Variants in PCDH15 observed in about 807,000 individuals in gnomAD.
PCDH15 encodes the protein protocadherin-15.
PCDH15 carries 129 observed loss-of-function variants against 178.5 expected under a neutral mutation model. The ratio of observed to expected loss-of-function variants is 0.72; its 90% CI spans 0.63 to 0.84. PCDH15 has a LOEUF of 0.84. Among genes scored for constraint, PCDH15 ranks in the 40% least tolerant of loss-of-function variants. The pLI, the probability that PCDH15 is intolerant of heterozygous loss-of-function variation, is 0.00. For missense variants in PCDH15, 2,230 were observed against 2,099.9 expected (o/e 1.06, Z -1.21); for synonymous variants, 800 against 732.0 (o/e 1.09, Z -1.50).
In PCDH15 at chr10:55,257,112, C is replaced by T. The variant is rs567445332; in HGVS notation, c.-156+62487G>A. On this transcript the variant is annotated intron_variant, in intron 1 of 5. Transcript: ENST00000458638. ...CTCCGCTGCTGAATACCCAGGCAAA[C>T]ATGGTCTGGAGTGGACCTCCAGCAA... Among the ~76,000 whole-genome samples, 117 of 152,316 alleles carry T rather than the reference C, an allele frequency of 7.7e-4. 2 individuals are homozygous for T. The South Asian group carries it at 0.023, about 30-fold the overall frequency.
intron 1 of PCDH15, among the ~76,000 whole-genome samples, chr10:54,683,043 A>C (rs553092722): frequency 1.3e-3 from 198 of 152,260 alleles, no homozygotes; most frequent in Middle Eastern, 6.8e-3. Flanking sequence ...TAATTTAAAA[A>C]TGTGCAAAAC....
rs1401452530 is a variant in PCDH15 at position 54,731,541 on chromosome 10, G to GAGATATATATATATATATAT, written c.-28-67252_-28-67251insATATATATATATATATATCT. Among the ~76,000 whole-genome samples, 9 of 68,318 alleles carry GAGATATATATATATATATAT rather than the reference G, an allele frequency of 1.3e-4. 1 individual carries two copies. The highest frequency in any genetic ancestry group is 4.3e-4 in the Admixed American group (3 of 6,994). 44.8% of individuals were successfully genotyped at this position (68,318 alleles called of 152,430 possible). A position where few individuals can be genotyped will look rare whatever the true frequency, so the allele number is the denominator to read the frequency against. ...CCATCAATGAATAAAGAAAATGTGAGATAGATATATATATATATATATACA... is the reference window on the plus strand; with the variant it reads ...CCATCAATGAATAAAGAAAATGTGAGAGATATATATATATATATATATAGATATATATATATATATATACA... On this transcript the variant is annotated intron_variant, in intron 1 of 37. Coordinates refer to ENST00000644397, the MANE Select transcript of PCDH15 (RefSeq NM_001384140.1).
chr10:54,850,119 T>C (rs1228539695), intron 3 of PCDH15, among the ~76,000 whole-genome samples: 1 of 152,132 alleles, frequency 6.6e-6, no homozygotes, highest in Non-Finnish European at 1.5e-5. Context: ...TGCTTAAACA[T>C]ATAAAGCAAT....
chr10:55,568,197 T>G (rs1440495348), intron 2 of PCDH15, among the ~76,000 whole-genome samples: 1 of 151,966 alleles, frequency 6.6e-6, no homozygotes, highest in Non-Finnish European at 1.5e-5. Context: ...AAAATGTGGT[T>G]TTTGTATACA....
In PCDH15 at chr10:53,831,369, AT is replaced by A. The variant is rs1554824058; in HGVS notation, c.4147del (p.Ile1383SerfsTer85). 5 of 1,614,158 alleles carry A rather than the reference AT, an allele frequency of 3.1e-6. No individual in the cohort carries two copies. The highest frequency in any genetic ancestry group is 4.2e-6 in the Non-Finnish European group (5 of 1,180,024). ...GGCAGGAATGCAGCAGAGGATGATG[AT>A]GAAGGCCAGAGCCAACAAGGCCCCT... ...TEGALLALAF[I>X]IILCCIPAIL... is the part of the protein sequence containing the mutation. On this transcript the variant is annotated frameshift_variant, in exon 30 of 38. Coordinates refer to ENST00000644397, the MANE Select transcript of PCDH15 (RefSeq NM_001384140.1). LOFTEE classifies it high-confidence loss of function.
intron 1 of PCDH15, among the ~76,000 whole-genome samples, chr10:55,186,770 T>TC (rs1839812077): frequency 6.6e-6 from 1 of 151,756 alleles, no homozygotes; most frequent in South Asian, 2.1e-4. Flanking sequence ...TATTTTTTTT[T>TC]CCTGAAAAAT....
intron 2 of PCDH15, among the ~76,000 whole-genome samples, chr10:55,407,007 C>A (rs991297600): frequency 6.6e-6 from 1 of 152,114 alleles, no homozygotes; most frequent in East Asian, 1.9e-4. Flanking sequence ...AAGCTGAGAG[C>A]TTAAAATGAC....
At position 53,993,397 on chromosome 10, in the gene PCDH15, T is replaced by C. The variant is rs114867074; in HGVS notation, c.2868+2252A>G. 5.9e-3 allele frequency among the ~76,000 whole-genome samples: 899 copies of C among 152,250 alleles called. 6 individuals carry two copies. Among genetic ancestry groups the C allele is most frequent in the African/African-American group, 0.019 (808 of 41,548 alleles). ...CATGAGAATACAAACTGAAATAAGTTTTGATTCCTGTCCTCAAGGACCTTA... is the reference window on the plus strand; with the variant it reads ...CATGAGAATACAAACTGAAATAAGTCTTGATTCCTGTCCTCAAGGACCTTA... On this transcript the variant is annotated intron_variant, in intron 21 of 37. Transcript: ENST00000644397.
chr10:54,631,033 T>C (rs1416383538), intron 2 of PCDH15, among the ~76,000 whole-genome samples: 1 of 152,156 alleles, frequency 6.6e-6, no homozygotes, highest in Non-Finnish European at 1.5e-5. Context: ...TTTGAATATA[T>C]GTCCCTACAA....
intron 2 of PCDH15, among the ~76,000 whole-genome samples, chr10:55,625,529 G>C (rs1837508760): frequency 6.6e-6 from 1 of 152,128 alleles, no homozygotes; most frequent in African/African-American, 2.4e-5. Context: ...TGTGTTAGGA[G>C]TTGTAAATCT....
intron 2 of PCDH15, among the ~76,000 whole-genome samples, chr10:55,413,152 A>T (rs1425880014): frequency 1.3e-5 from 2 of 151,814 alleles, no homozygotes; most frequent in Non-Finnish European, 2.9e-5. Context: ...GAAGATTAAA[A>T]ATATTTATTA....
At chr10:54,552,576 CT>C (rs2086734102) in intron 2 of PCDH15, among the ~76,000 whole-genome samples, 1 of 152,136 alleles carries the variant, frequency 6.6e-6, no homozygotes, top group Non-Finnish European at 1.5e-5. Context: ...GGGAAAATTA[CT>C]TACACTTTAT....
chr10:54,517,777 C>A (rs2082384976), intron 3 of PCDH15, among the ~76,000 whole-genome samples: 1 of 152,136 alleles, frequency 6.6e-6, no homozygotes, highest in Non-Finnish European at 1.5e-5. Flanking sequence ...AGCACCACAC[C>A]ACACCTATTC....
rs755845400 is a variant in PCDH15 at position 54,329,636 on chromosome 10, T to C, written c.665A>G (p.Tyr222Cys). 48 of 1,608,572 alleles carry C rather than the reference T, an allele frequency of 3.0e-5. No individual in the cohort carries two copies. The South Asian group carries it at 5.3e-4, about 18-fold the overall frequency. ...GNIVLRKRLN[Y>C]EDKTRYFVII... ...GACAAAGTAGCGAGTCTTATCTTCA[T>C]AGTTGAGCCTCTTCCTTAACACTAT... Residue 222 changes from tyrosine (Y) to cysteine (C), a missense_variant, in exon 7 of 38, where the codon TAT (tyrosine) becomes TGT (cysteine). Transcript: ENST00000644397.
chr10:55,081,548 C>T (rs964740964), intron 2 of PCDH15, among the ~76,000 whole-genome samples: 1 of 152,114 alleles, frequency 6.6e-6, no homozygotes, highest in Non-Finnish European at 1.5e-5. Flanking sequence ...AGTTAGGAGG[C>T]AAGGCCTTTG....
chr10:55,586,836 A>G (rs551963761), intron 2 of PCDH15, among the ~76,000 whole-genome samples: 22 of 152,278 alleles, frequency 1.4e-4, no homozygotes, highest in African/African-American at 5.3e-4. Context: ...CTCAATAATT[A>G]TCTGCTCTCC....
chr10:55,520,127 A>G (rs1428306157), intron 2 of PCDH15, among the ~76,000 whole-genome samples: 6 of 132,608 alleles, frequency 4.5e-5, no homozygotes, highest in African/African-American at 1.7e-4. Context: ...ATATATATAT[A>G]CACGCAATGT....
At chr10:55,386,870 G>A (rs1166325184) in intron 2 of PCDH15, among the ~76,000 whole-genome samples, 1 of 152,040 alleles carries the variant, frequency 6.6e-6, no homozygotes, top group Admixed American at 6.6e-5. Flanking sequence ...CGATTTCTAA[G>A]ATTTCTTCTT....
chr10:55,240,608 G>A (rs1232276586), intron 1 of PCDH15, among the ~76,000 whole-genome samples: 2 of 152,138 alleles, frequency 1.3e-5, no homozygotes, highest in Non-Finnish European at 2.9e-5. Context: ...TTTGAAAGAT[G>A]TATGAGTGCA....
Sources: allele counts gnomAD v4.1 joint callset (sites outside exome capture counted in the v4.1 genomes callset), GRCh38; gene constraint gnomAD v4.1.1; transcripts MANE v1.5; gene names NCBI Gene and HGNC (gene_info 2026-07-23, HGNC 2026-07-21).